Variants in MAGI2 observed in about 807,000 individuals in gnomAD.
MAGI2 encodes membrane associated guanylate kinase, WW and PDZ domain containing 2.
In MAGI2, 35 loss-of-function variants were observed where a neutral mutation model predicts 133.3. The ratio of observed to expected loss-of-function variants is 0.26; its 90% CI spans 0.20 to 0.35. MAGI2 has a LOEUF of 0.35. Among genes scored for constraint, MAGI2 ranks in the 10% least tolerant of loss-of-function variants. The pLI, the probability that MAGI2 is intolerant of heterozygous loss-of-function variation, is 1.00. For synonymous variants in MAGI2, 729 were observed against 710.6 expected (o/e 1.03, Z -0.41); for missense variants, 1,636 against 1,863.4 (o/e 0.88, Z 2.25).
At chr7:78,246,307 G>A (rs1387612940) in intron 10 of MAGI2, among the ~76,000 whole-genome samples, 4 of 152,106 alleles carry the variant, frequency 2.6e-5, no homozygotes, top group African/African-American at 4.8e-5. Context: ...TGCCTCCTGG[G>A]AAATGATGTC....
At chr7:78,501,538 ACCTT>A in intron 5 of MAGI2, 35 bp downstream of exon 5, 1 of 1,517,636 alleles carries the variant, frequency 6.6e-7, no homozygotes, top group South Asian at 1.1e-5. Flanking sequence ...TCCCGCTATG[ACCTT>A]TTTGGCACTG....
At chr7:78,987,529 C>A (rs529832737) in intron 2 of MAGI2, among the ~76,000 whole-genome samples, 3 of 152,044 alleles carry the variant, frequency 2.0e-5, no homozygotes, top group Admixed American at 6.6e-5. Context: ...CCATAATGCA[C>A]CAACATTTCA....
intron 1 of MAGI2, among the ~76,000 whole-genome samples, chr7:79,162,139 G>A (rs933092998): frequency 3.3e-5 from 5 of 151,326 alleles, no homozygotes; most frequent in African/African-American, 9.7e-5. Context: ...TTGTTTTTTC[G>A]ATCACAGATT....
chr7:78,773,739 T>C (rs1369845003), intron 2 of MAGI2, among the ~76,000 whole-genome samples: 2 of 151,834 alleles, frequency 1.3e-5, no homozygotes, highest in African/African-American at 4.8e-5. Context: ...AGGCAGGGGG[T>C]TTTCAGGCAG....
intron 2 of MAGI2, among the ~76,000 whole-genome samples, chr7:78,791,151 G>A (rs541752248): frequency 3.9e-5 from 6 of 152,190 alleles, no homozygotes; most frequent in Non-Finnish European, 5.9e-5. Flanking sequence ...GGAGTCCTCC[G>A]TAATAGAAAA....
At chr7:78,524,778 T>C (rs1018480352) in intron 3 of MAGI2, among the ~76,000 whole-genome samples, 3 of 150,954 alleles carry the variant, frequency 2.0e-5, no homozygotes, top group African/African-American at 7.3e-5. Flanking sequence ...TCAGTAAGTA[T>C]GTTGCTATGC....
At chr7:79,332,436 C>A (rs1253879772) in intron 1 of MAGI2, among the ~76,000 whole-genome samples, 1 of 152,132 alleles carries the variant, frequency 6.6e-6, no homozygotes, top group Admixed American at 6.5e-5. Flanking sequence ...CAAACAACTC[C>A]CTAATTCTTC....
At chr7:78,955,728 T>TCTTTCTTTCTTTCTTC (rs1562712807) in intron 2 of MAGI2, among the ~76,000 whole-genome samples, 6 of 28,412 alleles carry the variant, frequency 2.1e-4, no homozygotes, top group African/African-American at 5.9e-4. Flanking sequence ...TCTTTCTCTT[T>TCTTTCTTTCTTTCTTC]CTTTCTTTCT....
chr7:79,377,244 G>A (rs1843443228), intron 1 of MAGI2, among the ~76,000 whole-genome samples: 1 of 151,592 alleles, frequency 6.6e-6, no homozygotes. Flanking sequence ...AATTATCACA[G>A]GCATGACACA....
intron 6 of MAGI2, among the ~76,000 whole-genome samples, chr7:78,429,330 C>G (rs1799575154): frequency 6.6e-6 from 1 of 151,962 alleles, no homozygotes; most frequent in South Asian, 2.1e-4. Flanking sequence ...CTGATATACA[C>G]CTTTAGGCAA....
At chr7:79,259,170 C>A (rs1309953763) in intron 1 of MAGI2, among the ~76,000 whole-genome samples, 1 of 152,186 alleles carries the variant, frequency 6.6e-6, no homozygotes, top group Non-Finnish European at 1.5e-5. Flanking sequence ...TTATAAATAA[C>A]AACAAATAAC....
chr7:78,501,914 C>T (rs1794662433), intron 4 of MAGI2, 127 bp from the exon 5 acceptor site: 2 of 666,508 alleles, frequency 3.0e-6, no homozygotes, highest in Admixed American at 2.7e-5. Context: ...GGAAACATTT[C>T]TGAAAAAGCA....
intron 2 of MAGI2, among the ~76,000 whole-genome samples, chr7:78,974,679 A>T (rs999312463): frequency 1.3e-5 from 2 of 151,776 alleles, no homozygotes; most frequent in South Asian, 2.1e-4. Context: ...AATCTCATTT[A>T]TCTTCCTATT....
At chr7:79,368,434 G>T (rs1410449057) in intron 1 of MAGI2, among the ~76,000 whole-genome samples, 1 of 152,088 alleles carries the variant, frequency 6.6e-6, no homozygotes, top group Admixed American at 6.6e-5. Context: ...TTTGCAACAT[G>T]AGTGGGTTAG....
chr7:78,833,973 G>C (rs187746093), intron 2 of MAGI2, among the ~76,000 whole-genome samples: 41 of 152,248 alleles, frequency 2.7e-4, no homozygotes, highest in Non-Finnish European at 5.3e-4. Flanking sequence ...TTACTAACGT[G>C]AAAGTCATTA....
At chr7:79,321,557 C>T (rs1839187793) in intron 1 of MAGI2, among the ~76,000 whole-genome samples, 1 of 152,294 alleles carries the variant, frequency 6.6e-6, no homozygotes, top group Middle Eastern at 3.4e-3. Flanking sequence ...CATAACAGAA[C>T]ACCTTATGTG....
chr7:78,950,504 T>C (rs919778975), intron 2 of MAGI2, among the ~76,000 whole-genome samples: 2 of 152,196 alleles, frequency 1.3e-5, no homozygotes, highest in Non-Finnish European at 1.5e-5. Flanking sequence ...TGTTTTATTC[T>C]GAAAGCAAGT....
At chr7:79,437,455 A>T (rs1029556274) in intron 1 of MAGI2, among the ~76,000 whole-genome samples, 8 of 152,154 alleles carry the variant, frequency 5.3e-5, no homozygotes, top group Non-Finnish European at 7.4e-5. Context: ...GCATACACAC[A>T]CATATATATT....
At chr7:78,955,909 C>T (rs561014887) in intron 2 of MAGI2, among the ~76,000 whole-genome samples, 17 of 151,776 alleles carry the variant, frequency 1.1e-4, no homozygotes, top group Non-Finnish European at 2.4e-4. Context: ...TATTTGTTCA[C>T]TTTATAATAT....
Sources: gnomAD v4.1 joint callset for allele counts (sites outside exome capture counted in the v4.1 genomes callset) on GRCh38, gnomAD v4.1.1 for gene constraint, MANE v1.5 for transcripts, NCBI Gene and HGNC (gene_info 2026-07-23, HGNC 2026-07-21) for gene names.